The following RBM44 variants were observed in gnomAD, a reference collection of about 807,000 sequenced individuals.
RBM44 encodes the protein RNA-binding protein 44.
RBM44 carries 66 observed loss-of-function variants against 105.1 expected under a neutral mutation model. The observed-to-expected ratio is 0.63, with a 90% CI of 0.52 to 0.77. RBM44 has a LOEUF of 0.77. Among genes scored for constraint, RBM44 ranks in the 30% least tolerant of loss-of-function variants. The pLI is 0.00. For missense variants in RBM44, 1,122 were observed against 1,207.8 expected (o/e 0.93, Z 1.05); for synonymous variants, 365 against 417.6 (o/e 0.87, Z 1.54).
chr2:237,830,921 CAA>C (rs747488519), intron 13 of RBM44, among the ~76,000 whole-genome samples: 6 of 138,532 alleles, frequency 4.3e-5, no homozygotes, highest in African/African-American at 1.6e-4. Flanking sequence ...CGTCTATCTA[CAA>C]AAAAAAAAAA....
Position 237,817,515 on chromosome 2 carries a change from A to G in RBM44, c.596A>G (p.Asn199Ser), listed in dbSNP as rs986950611. The G allele has an allele frequency of 5.0e-6, 8 of 1,608,424 alleles. No homozygotes were observed. The highest frequency in any genetic ancestry group is 1.3e-5 in the African/African-American group (1 of 74,820). Residue 199 changes from asparagine (N) to serine (S), a missense_variant, in exon 3 of 16, where the codon AAC (asparagine) becomes AGC (serine). By Grantham distance (46) the Asn-to-Ser change is conservative. This residue lies in a region of RBM44 where 918 missense variants were observed against 955.3 expected (regional missense o/e 0.96). Coordinates refer to ENST00000316997, the MANE Select transcript of RBM44 (RefSeq NM_001080504.3). ...GCAGAAGAACAAGAATACATAAGTA[A>G]CCATTTATCTTTTGACCAAACAAAA... The part of the protein sequence containing the change: ...HSAEEQEYIS[N>S]HLSFDQTKAL...
At chr2:237,839,250 T>A (rs1346266282) in intron 15 of RBM44, among the ~76,000 whole-genome samples, 1 of 152,104 alleles carries the variant, frequency 6.6e-6, no homozygotes, top group Non-Finnish European at 1.5e-5. Flanking sequence ...AATTTTCTTT[T>A]TTTGGGTGTG....
intron 10 of RBM44, among the ~76,000 whole-genome samples, chr2:237,824,963 CT>C (rs2061832818): frequency 6.6e-6 from 1 of 151,768 alleles, no homozygotes; most frequent in South Asian, 2.1e-4. Flanking sequence ...TTTTCTGTAT[CT>C]TCTATGGATT....
At position 237,823,459 on chromosome 2, in the gene RBM44, A is replaced by G; in HGVS notation, c.2225A>G (p.Asn742Ser). Residue 742 changes from asparagine to serine, a missense_variant, in exon 9 of 16, where the codon AAT (asparagine) becomes AGT (serine). By Grantham distance (46) the Asn-to-Ser change is conservative (BLOSUM62 1). Transcript: ENST00000316997. ...TLSQMSLSSD[N>S]SHATQNISPK... ...CCTCAGATGTCTTTATCATCTGACAATAGTCATGCTACACAAAACATATCA... is the reference window on the plus strand; with the variant it reads ...CCTCAGATGTCTTTATCATCTGACAGTAGTCATGCTACACAAAACATATCA... 2 of 1,500,160 alleles carry G rather than the reference A, an allele frequency of 1.3e-6. No homozygotes were observed. The highest frequency in any genetic ancestry group is 2.0e-5 in the Admixed American group (1 of 49,904). The allele number at this position is 1,500,160 out of a possible 1,614,324, so 92.9% of individuals were successfully genotyped here. A position where few individuals can be genotyped will look rare whatever the true frequency, so the allele number is the denominator to read the frequency against.
In RBM44 at chr2:237,821,262, T is replaced by C; in HGVS notation, c.2097+8T>C. Reference sequence around the variant, plus strand: ...TCTACTTTTGCTTCCAGGGTATGTATATATGTTTTAGAAATAAAAAATTTT... The same window carrying C: ...TCTACTTTTGCTTCCAGGGTATGTACATATGTTTTAGAAATAAAAAATTTT... On this transcript the variant is annotated splice_region_variant and intron_variant, in intron 6 of 15. Transcript: ENST00000316997. 1 of 1,572,840 alleles carries C rather than the reference T, an allele frequency of 6.4e-7. No homozygotes were observed. The highest frequency in any genetic ancestry group is 1.2e-5 in the South Asian group (1 of 85,002).
chr2:237,821,786 G>A lies in RBM44; in HGVS notation c.2164G>A (p.Asp722Asn). Residue 722 changes from aspartate (D) to asparagine (N), a missense_variant, in exon 8 of 16, where the codon GAT becomes AAT. This residue lies in a region of RBM44 where 918 missense variants were observed against 955.3 expected (regional missense o/e 0.96). Transcript: ENST00000316997. ...DAEQDNQRAH[D>N]VDVSSNLKKT... ...TGAACAAGATAATCAGAGGGCTCAT[G>A]ATGTTGATGTTTCTTCAAACCTAAA... 1 of 1,611,414 alleles carries A rather than the reference G, an allele frequency of 6.2e-7. No individual in the cohort carries two copies. The highest frequency in any genetic ancestry group is 8.5e-7 in the Non-Finnish European group (1 of 1,178,326).
intron 1 of RBM44, among the ~76,000 whole-genome samples, chr2:237,802,486 G>A (rs938278036): frequency 1.4e-4 from 21 of 152,234 alleles, no homozygotes; most frequent in Non-Finnish European, 2.5e-4. Flanking sequence ...CCACAAAACC[G>A]GTGTCTGGTA....
At chr2:237,823,346 A>G in intron 8 of RBM44, 94 bp from the exon 9 acceptor site, 1 of 609,930 alleles carries the variant, frequency 1.6e-6, no homozygotes, top group Non-Finnish European at 2.9e-6. Context: ...ATTACTGTAA[A>G]GGCTGAATAA....
At chr2:237,831,959 T>C (rs1255381061) in intron 13 of RBM44, among the ~76,000 whole-genome samples, 1 of 152,108 alleles carries the variant, frequency 6.6e-6, no homozygotes, top group Non-Finnish European at 1.5e-5. Context: ...TCTTCTCTCG[T>C]GTAGCACATG....
At position 237,824,319 on chromosome 2, in the gene RBM44, A is replaced by G. The variant is rs775454296; in HGVS notation, c.2349A>G (p.Glu783=). The G allele has an allele frequency of 1.9e-6, 3 of 1,612,994 alleles. No homozygotes were observed. The highest frequency in any genetic ancestry group is 2.5e-6 in the Non-Finnish European group (3 of 1,179,232). ...GCAGACATTACCAAGAGACAAGCGA[A>G]GACTGGTCTGATGCTAAAGAGAGCC... ...KDCRHYQETS[E]DWSDAKESLT... The change falls in exon 10 of 16, where the codon GAA becomes GAG. Residue 783 remains glutamate (E), a synonymous_variant. Coordinates refer to ENST00000316997, the MANE Select transcript of RBM44 (RefSeq NM_001080504.3).
chr2:237,800,012 G>T (rs987623858), intron 1 of RBM44, among the ~76,000 whole-genome samples: 9 of 152,196 alleles, frequency 5.9e-5, no homozygotes, highest in African/African-American at 2.2e-4. Flanking sequence ...GAGTGGAATT[G>T]CTGGATCATG....
At position 237,821,728 on chromosome 2, in the gene RBM44, A is replaced by T. The variant is rs1576508568; in HGVS notation, c.2121-15A>T. ...CAAACATTAGATCATATTTCTTCTG[A>T]AATGTTCTTTTTAGCTTTTCAGAAG... On this transcript the variant is annotated splice_polypyrimidine_tract_variant and intron_variant, in intron 7 of 15. Transcript: ENST00000316997. 1.3e-6 allele frequency: 2 copies of T among 1,572,178 alleles called. No individual in the cohort carries two copies. The highest frequency in any genetic ancestry group is 1.7e-6 in the Non-Finnish European group (2 of 1,144,000).
intron 5 of RBM44, 197 bp downstream of exon 5, chr2:237,820,548 T>C: frequency 2.5e-6 from 1 of 406,168 alleles, no homozygotes; most frequent in Non-Finnish European, 4.4e-6. Context: ...GCATGATGAA[T>C]CCAGTGAAAA....
Position 237,834,422 on chromosome 2 carries a change from A to G in RBM44, c.*21A>G. On this transcript the variant is annotated splice_region_variant and 3_prime_UTR_variant, in exon 15 of 16. Coordinates refer to ENST00000316997, the MANE Select transcript of RBM44 (RefSeq NM_001080504.3). ...GTTAGGAATTCAAAAAACAATAAAG[A>G]GGTAAAGTAATCATATTCTTTTGTA... is the stretch of plus-strand genomic sequence containing the variant. 1 of 1,432,868 alleles carries G rather than the reference A, an allele frequency of 7.0e-7. No individual in the cohort carries two copies. 88.8% of individuals were successfully genotyped at this position (1,432,868 alleles called of 1,614,324 possible). A position where few individuals can be genotyped will look rare whatever the true frequency, so the allele number is the denominator to read the frequency against.
rs2061748630 is a variant in RBM44, at chr2:237,818,583, AT to A, written c.1668del (p.Leu557Ter). ...GTTGACAGTTTAAAACCTAATGGAA[AT>A]TTTCTAAATAAGGTAAAATCAATAT... Reference protein sequence around the residue: ...LSVDSLKPNGNFLNKDFLELR... With the variant: ...LSVDSLKPNGXFLNKDFLELR... On this transcript the variant is annotated frameshift_variant, in exon 3 of 16. Coordinates refer to ENST00000316997, the MANE Select transcript of RBM44 (RefSeq NM_001080504.3). LOFTEE classifies it high-confidence loss of function. This position sits in a 1 kb window ranked among gnomAD's most constrained non-coding sequence, Gnocchi z 4.6. 2 of 1,531,220 alleles carry A rather than the reference AT, an allele frequency of 1.3e-6. No individual in the cohort carries two copies. The highest frequency in any genetic ancestry group is 4.5e-5 in the Admixed American group (2 of 44,024). 94.9% of individuals were successfully genotyped at this position (1,531,220 alleles called of 1,614,324 possible).
Position 237,814,333 on chromosome 2 carries a change from T to G in RBM44, c.73+651T>G, listed in dbSNP as rs548263472. ...TTGTAAGACGATTAAGAGGGTCATT[T>G]TAAAGTGATAAAGTTATACAATGAA... On this transcript the variant is annotated intron_variant, in intron 2 of 15. Transcript: ENST00000316997. 5.9e-5 allele frequency among the ~76,000 whole-genome samples: 9 copies of G among 152,258 alleles called. No individual in the cohort carries two copies. The East Asian group carries it at 1.7e-3, about 29-fold the overall frequency.
In RBM44 at chr2:237,818,085, T is replaced by G. The variant is rs371283743; in HGVS notation, c.1166T>G (p.Ile389Arg). Reference sequence around the variant, plus strand: ...TGGACCTCTGTTTTTGATGATTCGATAATTTCTGCCTGTGGATATTATGAA... The same window carrying G: ...TGGACCTCTGTTTTTGATGATTCGAGAATTTCTGCCTGTGGATATTATGAA... ...TSWTSVFDDS[I>R]ISACGYYESL... is the part of the protein sequence containing the mutation. The change falls in exon 3 of 16, where the codon ATA becomes AGA. Residue 389 changes from isoleucine (I) to arginine (R), a missense_variant. Physicochemically the swap from Ile to Arg is moderately conservative, Grantham distance 97 (BLOSUM62 -3). This residue lies in a region of RBM44 where 918 missense variants were observed against 955.3 expected (regional missense o/e 0.96). Transcript: ENST00000316997. This position sits in a 1 kb window ranked among gnomAD's most constrained non-coding sequence, Gnocchi z 4.6. 22 of 1,612,746 alleles carry G rather than the reference T, an allele frequency of 1.4e-5. No individual in the cohort carries two copies. In the Middle Eastern group the frequency reaches 4.9e-4, roughly 36 times the overall value.
intron 15 of RBM44, among the ~76,000 whole-genome samples, chr2:237,839,628 A>G (rs1036746603): frequency 1.3e-5 from 2 of 152,194 alleles, no homozygotes; most frequent in Admixed American, 6.5e-5. Context: ...ACCTTACACC[A>G]TATCCAAAAA....
At position 237,834,528 on chromosome 2, in the gene RBM44, T is replaced by TATAATCACAAA. The variant is rs1295269433; in HGVS notation, c.*22+111_*22+121dup. ...AAACATATTAAATTTAAAATAATAA[T>TATAATCACAAA]ATAATCACAAAATAATATGAAATTT... On this transcript the variant is annotated intron_variant, in intron 15 of 15. Transcript: ENST00000316997. The TATAATCACAAA allele has an allele frequency of 1.5e-5, 8 of 545,948 alleles. No homozygotes were observed. In the African/African-American group the frequency reaches 1.6e-4, roughly 11 times the overall value. The allele number at this position is 545,948 out of a possible 1,614,324, so 33.8% of individuals were successfully genotyped here.
Sources: allele counts gnomAD v4.1 joint callset (sites outside exome capture counted in the v4.1 genomes callset), GRCh38; gene constraint gnomAD v4.1.1; regional missense constraint gnomAD v4.1.1; non-coding constraint Gnocchi (gnomAD v3.1); transcripts MANE v1.5; gene names NCBI Gene and HGNC (gene_info 2026-07-23, HGNC 2026-07-21).